Variants in PLEKHA5 observed in about 807,000 individuals in gnomAD.
PLEKHA5 encodes the protein pleckstrin homology domain containing A5.
PLEKHA5 carries 55 observed loss-of-function variants against 181.9 expected under a neutral mutation model. That is an observed-to-expected ratio of 0.30 (90% CI 0.24 to 0.38). The LOEUF is 0.38. Among genes scored for constraint, PLEKHA5 ranks in the 10% least tolerant of loss-of-function variants. The probability of loss-of-function intolerance (pLI) is 1.00; values close to 1 mark genes in which losing one functional copy is unlikely to be tolerated. For missense variants in PLEKHA5, 1,432 were observed against 1,549.5 expected (o/e 0.92, Z 1.27); for synonymous variants, 535 against 529.4 (o/e 1.01, Z -0.15).
At chr12:19,178,753 A>C (rs2047883606) in intron 3 of PLEKHA5, among the ~76,000 whole-genome samples, 1 of 152,326 alleles carries the variant, frequency 6.6e-6, no homozygotes, top group South Asian at 2.1e-4. Context: ...TAGTTTCCTT[A>C]ATCTCTACAG....
intron 14 of PLEKHA5, 39 bp from the exon 15 acceptor site, chr12:19,291,603 CCT>C: frequency 8.2e-7 from 1 of 1,217,510 alleles, no homozygotes; most frequent in Non-Finnish European, 1.1e-6. Context: ...AATTCCACAT[CCT>C]CTTTCTCTGT....
chr12:19,353,841 A>G (rs1295041142), intron 25 of PLEKHA5, 43 bp from the exon 26 acceptor site: 2 of 868,210 alleles, frequency 2.3e-6, no homozygotes, highest in Non-Finnish European at 3.9e-6. Flanking sequence ...GCAATGCTGT[A>G]TAAAAGATGT....
intron 15 of PLEKHA5, among the ~76,000 whole-genome samples, chr12:19,305,825 C>A (rs141148985): frequency 0.15 from 19,114 of 130,338 alleles, 1,448 homozygotes; most frequent in African/African-American, 0.2. Flanking sequence ...GCGCCATTGC[C>A]CTCCAGCCTG....
chr12:19,316,989 G>A (rs1314969859), intron 16 of PLEKHA5, among the ~76,000 whole-genome samples: 2 of 152,070 alleles, frequency 1.3e-5, no homozygotes, highest in Admixed American at 1.3e-4. Flanking sequence ...TTTTGGAAAT[G>A]TTTGCATTTT....
intron 3 of PLEKHA5, among the ~76,000 whole-genome samples, chr12:19,165,539 G>A (rs1164377716): frequency 6.6e-6 from 1 of 151,716 alleles, no homozygotes; most frequent in Non-Finnish European, 1.5e-5. Context: ...CATTTTACAG[G>A]TTTTTAGAGA....
intron 3 of PLEKHA5, among the ~76,000 whole-genome samples, chr12:19,182,541 A>C (rs1222236461): frequency 6.6e-6 from 1 of 152,188 alleles, no homozygotes; most frequent in Non-Finnish European, 1.5e-5. Context: ...ATGTACTTTT[A>C]ATTTGAGTAC....
At chr12:19,291,477 A>G (rs897353744) in intron 14 of PLEKHA5, among the ~76,000 whole-genome samples, 167 bp from the exon 15 acceptor site, 9 of 152,336 alleles carry the variant, frequency 5.9e-5, no homozygotes, top group African/African-American at 2.2e-4. Context: ...TTGTAATTTA[A>G]TATGTCAGCG....
At chr12:19,216,019 C>G (rs1043505427) in intron 3 of PLEKHA5, among the ~76,000 whole-genome samples, 3 of 152,112 alleles carry the variant, frequency 2.0e-5, no homozygotes, top group African/African-American at 7.2e-5. Context: ...TACCGACTTG[C>G]TAAACATAGA....
chr12:19,145,649 G>A (rs1468377842), intron 3 of PLEKHA5, among the ~76,000 whole-genome samples: 1 of 152,052 alleles, frequency 6.6e-6, no homozygotes, highest in Non-Finnish European at 1.5e-5. Flanking sequence ...TTATACTCCT[G>A]TTGTTGGACA....
intron 3 of PLEKHA5, among the ~76,000 whole-genome samples, chr12:19,214,492 T>C (rs2057565206): frequency 6.6e-6 from 1 of 152,088 alleles, no homozygotes; most frequent in Non-Finnish European, 1.5e-5. Context: ...GACTAAAGTG[T>C]GTTTTTCAGC....
At position 19,335,582 on chromosome 12, in the gene PLEKHA5, A is replaced by ATTT. The variant is rs34158055; in HGVS notation, c.2449-915_2449-913dup. Among the ~76,000 whole-genome samples, 243 of 107,994 alleles carry ATTT rather than the reference A, an allele frequency of 2.3e-3. 2 individuals are homozygous for ATTT. Among genetic ancestry groups the ATTT allele is most frequent in the African/African-American group, 6.9e-3 (202 of 29,432 alleles). The allele number at this position is 107,994 out of a possible 152,430, so 70.8% of individuals were successfully genotyped here. ...AGGCGCCTGCCACTGCGCCTGGCTA[A>ATTT]TTTTTTTTTTTTTTTTTTTTGTATT... On this transcript the variant is annotated intron_variant, in intron 20 of 31. Coordinates refer to ENST00000429027, the MANE Select transcript of PLEKHA5 (RefSeq NM_001256470.2).
At chr12:19,352,995 C>T (rs887669511) in intron 25 of PLEKHA5, among the ~76,000 whole-genome samples, 2 of 148,836 alleles carry the variant, frequency 1.3e-5, no homozygotes, top group Non-Finnish European at 3.0e-5. Flanking sequence ...ACTATATTAC[C>T]CAGGCTGGTC....
intron 3 of PLEKHA5, among the ~76,000 whole-genome samples, chr12:19,236,072 C>T (rs2061364859): frequency 6.6e-6 from 1 of 152,162 alleles, no homozygotes. Flanking sequence ...TAATTGCTGA[C>T]ATGGAAACCT....
intron 3 of PLEKHA5, among the ~76,000 whole-genome samples, chr12:19,206,641 G>C (rs1477132808): frequency 2.6e-5 from 4 of 152,088 alleles, no homozygotes; most frequent in African/African-American, 9.7e-5. Flanking sequence ...AGGCAATTAT[G>C]TGAGGCTTTC....
At chr12:19,175,671 G>A (rs1464436067) in intron 3 of PLEKHA5, among the ~76,000 whole-genome samples, 2 of 152,096 alleles carry the variant, frequency 1.3e-5, no homozygotes, top group African/African-American at 4.8e-5. Context: ...ATTTATATGT[G>A]CACTATACAC....
chr12:19,257,943 T>C (rs1243572491), intron 6 of PLEKHA5, among the ~76,000 whole-genome samples: 1 of 151,932 alleles, frequency 6.6e-6, no homozygotes, highest in Non-Finnish European at 1.5e-5. Flanking sequence ...AGTTGTATAT[T>C]TCCCCCCTTT....
chr12:19,209,507 A>G (rs368791345), intron 3 of PLEKHA5, among the ~76,000 whole-genome samples: 180 of 152,296 alleles, frequency 1.2e-3, no homozygotes, highest in Middle Eastern at 3.4e-3. Context: ...AGTTGAGCAA[A>G]CTTTCCACTC....
At chr12:19,272,136 C>A (rs2073051800) in intron 10 of PLEKHA5, among the ~76,000 whole-genome samples, 1 of 152,034 alleles carries the variant, frequency 6.6e-6, no homozygotes, top group East Asian at 1.9e-4. Flanking sequence ...GTCATAGTCT[C>A]CTAGTGTGCA....
intron 19 of PLEKHA5, 32 bp from the exon 20 acceptor site, chr12:19,322,485 GA>G: frequency 3.1e-6 from 5 of 1,608,422 alleles, no homozygotes; most frequent in Non-Finnish European, 4.3e-6. Flanking sequence ...CAATGATGCA[GA>G]ACATTAAGTG....
Sources: gnomAD v4.1 joint callset for allele counts (sites outside exome capture counted in the v4.1 genomes callset) on GRCh38, gnomAD v4.1.1 for gene constraint, MANE v1.5 for transcripts, NCBI Gene and HGNC (gene_info 2026-07-23, HGNC 2026-07-21) for gene names.